The following GTPBP8 variants were observed in gnomAD, a reference collection of about 807,000 sequenced individuals.
The protein encoded by GTPBP8 is GTP-binding protein 8.
In GTPBP8, 21 loss-of-function variants were observed where a neutral mutation model predicts 27.3. That is an observed-to-expected ratio of 0.77 (90% CI 0.55 to 1.11). GTPBP8 has a LOEUF of 1.11. Ranked by LOEUF, GTPBP8 falls within the 50% of genes least tolerant of loss-of-function variation. The probability of loss-of-function intolerance (pLI) is 0.00; values close to 1 mark genes in which losing one functional copy is unlikely to be tolerated. For synonymous variants in GTPBP8, 147 were observed against 135.3 expected, an observed-to-expected ratio of 1.09 and a Z score of -0.60; for missense variants, 380 against 350.8, an observed-to-expected ratio of 1.08 and a Z score of -0.67.
At chr3:112,992,389 A>T (rs1280564127) in intron 1 of GTPBP8, 1 of 152,306 alleles carries the variant, frequency 6.6e-6, no homozygotes, top group Non-Finnish European at 1.5e-5. Flanking sequence ...GCCGTCATTT[A>T]GAACAACTGA....
Position 112,991,148 on chromosome 3 carries a change from C to G in GTPBP8, c.149C>G (p.Pro50Arg). ...CAGCAGCTGAGGAAGCTGCTGTACCCGCTGCAGGAAGTAGAGCGGTTCCTC... is the reference window on the plus strand; with the variant it reads ...CAGCAGCTGAGGAAGCTGCTGTACCGGCTGCAGGAAGTAGAGCGGTTCCTC... ...PKQQLRKLLY[P>R]LQEVERFLAP... is the part of the protein sequence containing the mutation. The change falls in exon 1 of 6, where the codon CCG (proline) becomes CGG (arginine). Residue 50 changes from proline (P) to arginine (R), a missense_variant. Transcript: ENST00000383678. The G allele has an allele frequency of 6.2e-7, 1 of 1,614,082 alleles. No homozygotes were observed. Among genetic ancestry groups the G allele is most frequent in the Non-Finnish European group, 8.5e-7 (1 of 1,180,018 alleles).
Position 112,991,194 on chromosome 3 carries a change from C to A in GTPBP8, c.195C>A (p.Asp65Glu), listed in dbSNP as rs771476334. Residue 65 changes from aspartate (D) to glutamate (E), a missense_variant, in exon 1 of 6, where the codon GAC becomes GAA. Coordinates refer to ENST00000383678, the MANE Select transcript of GTPBP8 (RefSeq NM_014170.4). ...TCCTCGCCCCCTACGGGAGGCAAGA[C>A]CTTCACCTGCGTATCTTTGACCCAA... ...ERFLAPYGRQDLHLRIFDPSP... is the reference protein window; with the variant it reads ...ERFLAPYGRQELHLRIFDPSP... 1 of 1,614,184 alleles carries A rather than the reference C, an allele frequency of 6.2e-7. No homozygotes were observed. The highest frequency in any genetic ancestry group is 1.1e-5 in the South Asian group (1 of 91,088).
chr3:112,994,323 T>C (rs1933743932), intron 2 of GTPBP8, among the ~76,000 whole-genome samples: 1 of 151,210 alleles, frequency 6.6e-6, no homozygotes, highest in Non-Finnish European at 1.5e-5. Flanking sequence ...ATCGGGAGGC[T>C]GAGGCAAGAG....
rs1290933944 is a variant in GTPBP8, at chr3:112,999,531, C to G, written c.752C>G (p.Thr251Ser). 1 of 1,489,002 alleles carries G rather than the reference C, an allele frequency of 6.7e-7. No homozygotes were observed. Among genetic ancestry groups the G allele is most frequent in the Admixed American group, 1.8e-5 (1 of 55,404 alleles). The allele number at this position is 1,489,002 out of a possible 1,614,324, so 92.2% of individuals were successfully genotyped here. The change falls in exon 5 of 6, where the codon ACT (threonine) becomes AGT (serine). Residue 251 changes from threonine (T) to serine (S), a missense_variant. Physicochemically the swap from Thr to Ser is moderately conservative, Grantham distance 58. Transcript: ENST00000383678. ...ATCCAGAAATTTGTTAACATGAAAA[C>G]TCAAGGATGTTTTCCTCAGTTGTTT... ...LQIQKFVNMK[T>S]QGCFPQLFPV...
At chr3:112,992,979 T>G (rs752589165) in intron 1 of GTPBP8, 47 bp from the exon 2 acceptor site, 2 of 965,026 alleles carry the variant, frequency 2.1e-6, no homozygotes, top group Non-Finnish European at 3.3e-6. Flanking sequence ...TAATGCAGAA[T>G]AGCATATACA....
intron 1 of GTPBP8, 88 bp downstream of exon 1, chr3:112,991,423 G>A: frequency 2.4e-6 from 3 of 1,230,886 alleles, no homozygotes; most frequent in Non-Finnish European, 3.6e-6. Context: ...GTGATTTTGC[G>A]GTTGTATTTT....
chr3:112,991,224 G>A lies in GTPBP8; in HGVS notation c.225G>A (p.Pro75=). The A allele has an allele frequency of 2.5e-6, 4 of 1,614,142 alleles. No individual in the cohort carries two copies. The highest frequency in any genetic ancestry group is 1.3e-5 in the African/African-American group (1 of 75,048). Reference sequence around the variant, plus strand: ...ACCTGCGTATCTTTGACCCAAGCCCGGAGGACATAGCCAGGGCGGACAACA... The same window carrying A: ...ACCTGCGTATCTTTGACCCAAGCCCAGAGGACATAGCCAGGGCGGACAACA... ...DLHLRIFDPS[P]EDIARADNIF... The change falls in exon 1 of 6, where the codon CCG becomes CCA. Residue 75 remains proline, a synonymous_variant. Coordinates refer to ENST00000383678, the MANE Select transcript of GTPBP8 (RefSeq NM_014170.4).
chr3:112,991,162 G>C lies in GTPBP8; in HGVS notation c.163G>C (p.Glu55Gln). The change falls in exon 1 of 6, where the codon GAG (glutamate) becomes CAG (glutamine). Residue 55 changes from glutamate (E) to glutamine (Q), a missense_variant. By Grantham distance (29) the Glu-to-Gln change is conservative. Transcript: ENST00000383678. ...RKLLYPLQEV[E>Q]RFLAPYGRQD... Reference sequence around the variant, plus strand: ...GCTGCTGTACCCGCTGCAGGAAGTAGAGCGGTTCCTCGCCCCCTACGGGAG... The same window carrying C: ...GCTGCTGTACCCGCTGCAGGAAGTACAGCGGTTCCTCGCCCCCTACGGGAG... The C allele has an allele frequency of 2.5e-6, 4 of 1,614,154 alleles. No individual in the cohort carries two copies. Among genetic ancestry groups the C allele is most frequent in the Non-Finnish European group, 3.4e-6 (4 of 1,180,038 alleles).
In GTPBP8 at chr3:112,991,025, G is replaced by C. The variant is rs371264962; in HGVS notation, c.26G>C (p.Gly9Ala). The change falls in exon 1 of 6, where the codon GGA becomes GCA. Residue 9 changes from glycine (G) to alanine (A), a missense_variant. By Grantham distance (60) the Gly-to-Ala change is moderately conservative. Coordinates refer to ENST00000383678, the MANE Select transcript of GTPBP8 (RefSeq NM_014170.4). ...ATGGCGGCGCCCGGGCTGCGGCTGG[G>C]AGCGGGAAGACTCTTTGAAATGCCT... MAAPGLRLGAGRLFEMPAV... is the reference protein window; with the variant it reads MAAPGLRLAAGRLFEMPAV... 78 of 1,598,588 alleles carry C rather than the reference G, an allele frequency of 4.9e-5. No homozygotes were observed. Among genetic ancestry groups the C allele is most frequent in the Non-Finnish European group, 6.3e-5 (74 of 1,169,508 alleles).
chr3:112,995,377 T>C, intron 3 of GTPBP8, 112 bp downstream of exon 3: 1 of 650,342 alleles, frequency 1.5e-6, no homozygotes, highest in South Asian at 2.4e-5. Context: ...TGACTTATTT[T>C]ATAAGGTCCA....
rs1183042867 is a variant in GTPBP8, at chr3:112,996,889, T to C, written c.567-3T>C. On this transcript the variant is annotated splice_polypyrimidine_tract_variant and splice_region_variant and intron_variant, in intron 3 of 5. Transcript: ENST00000383678. ...ATTAATCTTCTTTTCTACATGCTTA[T>C]AGCTTGAAGAGAACATTTTTATTAG... is the stretch of plus-strand genomic sequence containing the variant. 2.2e-6 allele frequency: 3 copies of C among 1,351,052 alleles called. No homozygotes were observed. The highest frequency in any genetic ancestry group is 3.2e-6 in the Non-Finnish European group (3 of 941,462). The allele number at this position is 1,351,052 out of a possible 1,614,324, so 83.7% of individuals were successfully genotyped here.
intron 5 of GTPBP8, among the ~76,000 whole-genome samples, chr3:112,999,952 T>G (rs979320082): frequency 6.6e-6 from 1 of 152,352 alleles, no homozygotes. Flanking sequence ...ATTATTTTGT[T>G]CCATTTTATG....
chr3:112,994,392 C>T (rs1032571787), intron 2 of GTPBP8, among the ~76,000 whole-genome samples: 12 of 149,124 alleles, frequency 8.0e-5, no homozygotes, highest in African/African-American at 3.0e-4. Context: ...CATTGCACTC[C>T]AGCCTGGACA....
At chr3:112,998,498 T>C (rs757546127) in intron 4 of GTPBP8, among the ~76,000 whole-genome samples, 32 of 152,288 alleles carry the variant, frequency 2.1e-4, no homozygotes, top group Admixed American at 3.9e-4. Context: ...TTGGAAGCTC[T>C]CCAAACCCAG....
At chr3:112,996,325 G>T (rs1297987961) in intron 3 of GTPBP8, among the ~76,000 whole-genome samples, 1 of 151,944 alleles carries the variant, frequency 6.6e-6, no homozygotes, top group African/African-American at 2.4e-5. Context: ...AATCAGCCAG[G>T]CATGGTGGCA....
At position 112,991,192 on chromosome 3, in the gene GTPBP8, G is replaced by A. The variant is rs374696448; in HGVS notation, c.193G>A (p.Asp65Asn). The change falls in exon 1 of 6, where the codon GAC (aspartate) becomes AAC (asparagine). Residue 65 changes from aspartate to asparagine, a missense_variant. Transcript: ENST00000383678. ...ERFLAPYGRQ[D>N]LHLRIFDPSP... ...GTTCCTCGCCCCCTACGGGAGGCAA[G>A]ACCTTCACCTGCGTATCTTTGACCC... 15 of 1,614,072 alleles carry A rather than the reference G, an allele frequency of 9.3e-6. No homozygotes were observed. The African/African-American group carries it at 1.9e-4, about 20-fold the overall frequency.
rs1032688609 is a variant in GTPBP8 at position 113,000,262 on chromosome 3, G to A, written c.786-588G>A. Among the ~76,000 whole-genome samples, 89 of 152,060 alleles carry A rather than the reference G, an allele frequency of 5.9e-4. 1 individual carries two copies. Among genetic ancestry groups the A allele is most frequent in the African/African-American group, 2.0e-3 (83 of 41,398 alleles). Reference sequence around the variant, plus strand: ...TAAAAAAAAAAATTAGCCAGATGTGGTGGCACATGCCTGTAATCCCAGCTG... The same window carrying A: ...TAAAAAAAAAAATTAGCCAGATGTGATGGCACATGCCTGTAATCCCAGCTG... On this transcript the variant is annotated intron_variant, in intron 5 of 5. Coordinates refer to ENST00000383678, the MANE Select transcript of GTPBP8 (RefSeq NM_014170.4).
intron 3 of GTPBP8, among the ~76,000 whole-genome samples, chr3:112,995,550 T>A (rs911252553): frequency 2.6e-5 from 4 of 152,126 alleles, no homozygotes; most frequent in Non-Finnish European, 5.9e-5. Context: ...TTTTCATTTT[T>A]TTTTTTGAGA....
Position 112,996,881 on chromosome 3 carries a change from C to T in GTPBP8, c.567-11C>T. 2.4e-6 allele frequency: 3 copies of T among 1,235,822 alleles called. No homozygotes were observed. The South Asian group carries it at 3.6e-5, about 15-fold the overall frequency. The allele number at this position is 1,235,822 out of a possible 1,614,324, so 76.6% of individuals were successfully genotyped here. A position where few individuals can be genotyped will look rare whatever the true frequency, so the allele number is the denominator to read the frequency against. The stretch of plus-strand genomic sequence containing the variant: ...ATATTGCCATTAATCTTCTTTTCTA[C>T]ATGCTTATAGCTTGAAGAGAACATT... On this transcript the variant is annotated splice_polypyrimidine_tract_variant and intron_variant, in intron 3 of 5. Coordinates refer to ENST00000383678, the MANE Select transcript of GTPBP8 (RefSeq NM_014170.4).
Sources: gnomAD v4.1 joint callset for allele counts (sites outside exome capture counted in the v4.1 genomes callset) on GRCh38, gnomAD v4.1.1 for gene constraint, MANE v1.5 for transcripts, NCBI Gene and HGNC (gene_info 2026-07-23, HGNC 2026-07-21) for gene names.